DLG3: variants seen among roughly 807,000 people sequenced by gnomAD.
The protein encoded by DLG3 is discs large MAGUK scaffold protein 3.
DLG3 carries 1 observed loss-of-function variant against 64.1 expected under a neutral mutation model. That is an observed-to-expected ratio of 0.02 (90% CI 0.01 to 0.07). The LOEUF is 0.07. Among genes scored for constraint, DLG3 ranks in the 10% least tolerant of loss-of-function variants. The pLI is 1.00. For synonymous variants in DLG3, 245 were observed against 259.8 expected (o/e 0.94, Z 0.55); for missense variants, 429 against 669.5 (o/e 0.64, Z 3.96).
intron 9 of DLG3, among the ~76,000 whole-genome samples, chrX:70,460,773 T>C (rs2086789723): frequency 9.0e-6 from 1 of 111,620 alleles, no homozygotes; most frequent in Non-Finnish European, 1.9e-5. Context: ...ACCACTAATC[T>C]ATTATACTTT....
At chrX:70,466,732 G>A (rs963285860) in intron 9 of DLG3, among the ~76,000 whole-genome samples, 8 of 110,831 alleles carry the variant, frequency 7.2e-5, no homozygotes, top group East Asian at 5.7e-4. Flanking sequence ...GAGGCACTGC[G>A]CCCAGCCTGT....
chrX:70,448,364 G>A (rs1244074728), intron 1 of DLG3, among the ~76,000 whole-genome samples: 2 of 112,249 alleles, frequency 1.8e-5, no homozygotes, highest in Non-Finnish European at 3.8e-5. Context: ...TCTTCTCTGG[G>A]CCTCCGTGTC....
chrX:70,454,987 G>T (rs1305799783), intron 9 of DLG3: 32 of 744,421 alleles, frequency 4.3e-5, no homozygotes, highest in Non-Finnish European at 4.8e-5. Flanking sequence ...GGGAAGGCGC[G>T]CCCTAGCCTG....
chrX:70,470,464 C>T (rs781442719), intron 9 of DLG3, among the ~76,000 whole-genome samples: 13 of 111,928 alleles, frequency 1.2e-4, no homozygotes, highest in African/African-American at 3.9e-4. Context: ...CTCCTCATCT[C>T]CAGTGGTCCG....
At chrX:70,484,182 C>T (rs1041647479) in intron 10 of DLG3, among the ~76,000 whole-genome samples, 3 of 112,165 alleles carry the variant, frequency 2.7e-5, no homozygotes, top group Admixed American at 9.5e-5. Flanking sequence ...AAAGTCCGTT[C>T]GGGCTAGCCT....
intron 9 of DLG3, among the ~76,000 whole-genome samples, chrX:70,456,553 GCT>G (rs1351477257): frequency 1.8e-5 from 2 of 111,899 alleles, no homozygotes; most frequent in African/African-American, 6.5e-5. Flanking sequence ...AGTGTTTATT[GCT>G]CTCTGAGCAT....
rs2087106993 is a variant in DLG3, at chrX:70,479,043, T to A, written c.1406-107T>A. 4.3e-6 allele frequency: 3 copies of A among 694,078 alleles called. No individual in the cohort carries two copies. The Admixed American group carries it at 7.1e-5, about 16-fold the overall frequency. The allele number at this position is 694,078 out of a possible 1,213,427, so 57.2% of individuals were successfully genotyped here. On this transcript the variant is annotated intron_variant, in intron 9 of 18. Coordinates refer to ENST00000374360, the MANE Select transcript of DLG3 (RefSeq NM_021120.4). ...AAAGACTGAGTGGGCTGGCTCTGGC[T>A]GCTTTTAAGCCAAGGGGCCTTCTGG...
In DLG3 at chrX:70,445,106, A is replaced by G; in HGVS notation, c.-96A>G. Reference sequence around the variant, plus strand: ...TTGGTCCGAGCAGTGTGAGTGTGCCAGGGAGCCCGGCGGCGGCGGCGGCGG... The same window carrying G: ...TTGGTCCGAGCAGTGTGAGTGTGCCGGGGAGCCCGGCGGCGGCGGCGGCGG... On this transcript the variant is annotated 5_prime_UTR_variant, in exon 1 of 19. Coordinates refer to ENST00000374360, the MANE Select transcript of DLG3 (RefSeq NM_021120.4). 1.4e-6 allele frequency: 1 copy of G among 706,358 alleles called. No homozygotes were observed. The highest frequency in any genetic ancestry group is 2.0e-6 in the Non-Finnish European group (1 of 498,926). The allele number at this position is 706,358 out of a possible 1,213,427, so 58.2% of individuals were successfully genotyped here. A position where few individuals can be genotyped will look rare whatever the true frequency, so the allele number is the denominator to read the frequency against.
intron 9 of DLG3, 41 bp downstream of exon 9, chrX:70,454,357 T>G (rs2086664453): frequency 1.8e-6 from 2 of 1,117,715 alleles, no homozygotes; most frequent in Non-Finnish European, 2.5e-6. Flanking sequence ...GTGGGGGAGT[T>G]AGACTTATAT....
chrX:70,445,471 C>A lies in DLG3; in HGVS notation c.270C>A (p.Val90=). Residue 90 remains valine, a synonymous_variant, in exon 1 of 19, where the codon GTC becomes GTA. Transcript: ENST00000374360. ...TGGGGCCGGTGCCTCCTAAGCCAGTCCCGGGCAAGAGCACCCCCAAACTCA... is the reference window on the plus strand; with the variant it reads ...TGGGGCCGGTGCCTCCTAAGCCAGTACCGGGCAAGAGCACCCCCAAACTCA... ...RDVGPVPPKP[V]PGKSTPKLNG... is the part of the protein sequence containing the mutation. 8.3e-7 allele frequency: 1 copy of A among 1,202,738 alleles called. No individual in the cohort carries two copies. The highest frequency in any genetic ancestry group is 1.8e-5 in the South Asian group (1 of 55,321).
intron 11 of DLG3, 79 bp from the exon 12 acceptor site, chrX:70,492,442 A>G (rs2087374983): frequency 1.8e-6 from 2 of 1,127,872 alleles, no homozygotes; most frequent in Admixed American, 4.6e-5. Context: ...AGCCAAAAAA[A>G]TGGCTGCTGT....
intron 17 of DLG3, 123 bp from the exon 18 acceptor site, chrX:70,500,775 C>A: frequency 1.4e-6 from 1 of 739,133 alleles, no homozygotes; most frequent in Non-Finnish European, 2.1e-6. Flanking sequence ...GAGGAGTTAG[C>A]TACGGGCCAC....
At chrX:70,474,526 T>C (rs1227052580) in intron 9 of DLG3, among the ~76,000 whole-genome samples, 1 of 110,604 alleles carries the variant, frequency 9.0e-6, no homozygotes, top group African/African-American at 3.3e-5. Flanking sequence ...AAAAAAAGGC[T>C]TGGTTTTCAA....
At chrX:70,460,282 CAAAAAAA>C (rs1221573255) in intron 9 of DLG3, among the ~76,000 whole-genome samples, 1 of 38,438 alleles carries the variant, frequency 2.6e-5, no homozygotes, top group Non-Finnish European at 5.8e-5. Context: ...GACTCTGTCT[CAAAAAAA>C]AAAAAAAAAA....
At chrX:70,476,745 A>C (rs766095625) in intron 9 of DLG3, among the ~76,000 whole-genome samples, 1 of 112,262 alleles carries the variant, frequency 8.9e-6, no homozygotes, top group East Asian at 2.8e-4. Context: ...ATAAACCATT[A>C]AGTTTATTAG....
chrX:70,485,986 C>T (rs1161879592), intron 10 of DLG3, among the ~76,000 whole-genome samples: 1 of 110,906 alleles, frequency 9.0e-6, no homozygotes, highest in African/African-American at 3.3e-5. Context: ...ACACTTTCTC[C>T]TTAGGGAGAC....
intron 13 of DLG3, among the ~76,000 whole-genome samples, chrX:70,497,572 C>T (rs904396226): frequency 8.9e-6 from 1 of 112,290 alleles, no homozygotes; most frequent in South Asian, 3.8e-4. Flanking sequence ...AGAAAAATGG[C>T]TCCTCTAGGA....
At chrX:70,482,662 GTTTTTT>G (rs774419870) in intron 10 of DLG3, among the ~76,000 whole-genome samples, 3 of 66,089 alleles carry the variant, frequency 4.5e-5, no homozygotes, top group African/African-American at 1.8e-4. Flanking sequence ...CATGTGTGGT[GTTTTTT>G]TTTTTTTTTT....
chrX:70,445,296 A>T lies in DLG3; in HGVS notation c.95A>T (p.Asp32Val). The T allele has an allele frequency of 1.7e-6, 2 of 1,165,431 alleles. No individual in the cohort carries two copies. The highest frequency in any genetic ancestry group is 2.3e-6 in the Non-Finnish European group (2 of 873,526). ...LRRLEPPGYG[D>V]WQVPDPYGPG... ...CGCCTCGAGCCTCCGGGCTACGGCG[A>T]CTGGCAAGTCCCCGACCCTTACGGG... The change falls in exon 1 of 19, where the codon GAC (aspartate) becomes GTC (valine). Residue 32 changes from aspartate to valine, a missense_variant. By Grantham distance (152) the Asp-to-Val change is radical. Around this residue, in one of 9 missense-constraint regions of DLG3, gnomAD observed 123 missense variants for 113.3 expected, o/e 1.09. Transcript: ENST00000374360.
Sources: allele counts gnomAD v4.1 joint callset (sites outside exome capture counted in the v4.1 genomes callset), GRCh38; gene constraint gnomAD v4.1.1; regional missense constraint gnomAD v4.1.1; transcripts MANE v1.5; gene names NCBI Gene and HGNC (gene_info 2026-07-23, HGNC 2026-07-21).